The following PCDHA5 variants were observed in gnomAD, a reference collection of about 807,000 sequenced individuals.
PCDHA5 encodes the protein protocadherin alpha-5.
In PCDHA5, 43 loss-of-function variants were observed where a neutral mutation model predicts 61.6. The ratio of observed to expected loss-of-function variants is 0.70; its 90% CI spans 0.55 to 0.90. PCDHA5 has a LOEUF of 0.90. Among genes scored for constraint, PCDHA5 ranks in the 40% least tolerant of loss-of-function variants. The pLI is 0.00. For synonymous variants in PCDHA5, 627 were observed against 543.9 expected (o/e 1.15, Z -2.13); for missense variants, 1,298 against 1,222.7 (o/e 1.06, Z -0.92).
intron 1 of PCDHA5, among the ~76,000 whole-genome samples, chr5:140,946,108 T>C (rs782062288): frequency 2.0e-5 from 3 of 151,938 alleles, no homozygotes; most frequent in Non-Finnish European, 4.4e-5. Context: ...ATACCAAATA[T>C]ATAAGGAACT....
chr5:140,858,024 C>A lies in PCDHA5; in HGVS notation c.2352+33897C>A, dbSNP rs782656168. On this transcript the variant is annotated intron_variant, in intron 1 of 3. Transcript: ENST00000529859. ...AAGGACCATGGCGAGCCGTCGCTGACGGCCACGGCCACTGTGCTTGTGTCG... is the reference window on the plus strand; with the variant it reads ...AAGGACCATGGCGAGCCGTCGCTGAAGGCCACGGCCACTGTGCTTGTGTCG... 1 of 1,596,584 alleles carries A rather than the reference C, an allele frequency of 6.3e-7. No individual in the cohort carries two copies. Among genetic ancestry groups the A allele is most frequent in the East Asian group, 2.2e-5 (1 of 44,824 alleles).
chr5:140,843,635 T>C (rs1554140305), intron 1 of PCDHA5: 2 of 1,595,882 alleles, frequency 1.3e-6, no homozygotes, highest in Non-Finnish European at 1.7e-6. Flanking sequence ...CCTCATGGCC[T>C]TCAGCCCCTG....
intron 1 of PCDHA5, chr5:140,836,474 C>T (rs1774508920): frequency 6.2e-7 from 1 of 1,613,830 alleles, no homozygotes; most frequent in Admixed American, 1.7e-5. Flanking sequence ...TGGATGTCAA[C>T]GTGTACCTGA....
intron 1 of PCDHA5, chr5:140,857,591 A>C: frequency 6.3e-7 from 1 of 1,596,270 alleles, no homozygotes; most frequent in Non-Finnish European, 8.6e-7. Flanking sequence ...GGAGAGCGGC[A>C]AGGTGTACGC....
At chr5:140,962,564 G>A (rs1224952009) in intron 1 of PCDHA5, among the ~76,000 whole-genome samples, 2 of 152,124 alleles carry the variant, frequency 1.3e-5, no homozygotes, top group Non-Finnish European at 2.9e-5. Context: ...CCCCCTAAAA[G>A]CCAATTGTTA....
At chr5:140,982,296 C>A in intron 2 of PCDHA5, 179 bp from the exon 3 acceptor site, 1 of 1,167,132 alleles carries the variant, frequency 8.6e-7, no homozygotes, top group Non-Finnish European at 1.2e-6. Flanking sequence ...AGTAAGTCAG[C>A]AATGCTTCTG....
chr5:140,836,615 G>T (rs2150265724), intron 1 of PCDHA5: 33 of 1,613,516 alleles, frequency 2.0e-5, no homozygotes, highest in Non-Finnish European at 4.2e-6. Context: ...GCTCCAGCGC[G>T]GTGGGGAGCT....
At chr5:140,883,162 C>A (rs782797002) in intron 1 of PCDHA5, 8 of 1,613,690 alleles carry the variant, frequency 5.0e-6, no homozygotes, top group Non-Finnish European at 5.1e-6. Context: ...TAAATCCGAA[C>A]AATGGAGAAA....
At chr5:140,830,316 C>G (rs2150184866) in intron 1 of PCDHA5, 1 of 1,613,980 alleles carries the variant, frequency 6.2e-7, no homozygotes, top group East Asian at 2.2e-5. Context: ...CTGGTGTGCT[C>G]CAGCGCAGTG....
chr5:140,905,652 T>A (rs1554192111), intron 1 of PCDHA5, among the ~76,000 whole-genome samples: 1 of 152,240 alleles, frequency 6.6e-6, no homozygotes, highest in East Asian at 1.9e-4. Flanking sequence ...CAGTATTGAT[T>A]CCTGTCATCC....
intron 1 of PCDHA5, chr5:140,847,393 A>G (rs997317821): frequency 1.3e-5 from 2 of 149,740 alleles, no homozygotes; most frequent in African/African-American, 4.9e-5. Context: ...AAAAACATTA[A>G]TGGCACAATA....
intron 3 of PCDHA5, among the ~76,000 whole-genome samples, chr5:140,991,118 A>T (rs2153893669): frequency 6.6e-6 from 1 of 152,340 alleles, no homozygotes; most frequent in South Asian, 2.1e-4. Context: ...GCTTTCTTAC[A>T]TTCACACAGC....
chr5:140,945,709 G>C (rs1033770128), intron 1 of PCDHA5, among the ~76,000 whole-genome samples: 4 of 151,930 alleles, frequency 2.6e-5, no homozygotes, highest in Admixed American at 1.3e-4. Flanking sequence ...TGCAACAAAA[G>C]TATCAAGAAT....
chr5:140,869,327 T>A, intron 1 of PCDHA5: 1 of 1,613,922 alleles, frequency 6.2e-7, no homozygotes, highest in Middle Eastern at 1.7e-4. Context: ...GGGGACCTTC[T>A]GGAGGTAAAT....
intron 1 of PCDHA5, among the ~76,000 whole-genome samples, chr5:140,924,769 C>T (rs988519447): frequency 1.3e-5 from 2 of 151,766 alleles, no homozygotes; most frequent in Admixed American, 6.6e-5. Flanking sequence ...GTGGTGCGCG[C>T]TTGTAGTCCT....
Position 141,010,476 on chromosome 5 carries a change from G to T in PCDHA5, c.*539G>T. ...GAAGTTATCAGTATGGAGGGGAAGT[G>T]TAAACTTAAAGGGACCAGACTTTCT... is the stretch of plus-strand genomic sequence containing the variant. On this transcript the variant is annotated 3_prime_UTR_variant, in exon 4 of 4. Coordinates refer to ENST00000529859, the MANE Select transcript of PCDHA5 (RefSeq NM_018908.3). 1.3e-6 allele frequency: 1 copy of T among 752,476 alleles called. No individual in the cohort carries two copies. Among genetic ancestry groups the T allele is most frequent in the Non-Finnish European group, 2.0e-6 (1 of 499,640 alleles). The allele number at this position is 752,476 out of a possible 1,614,324, so 46.6% of individuals were successfully genotyped here. A position where few individuals can be genotyped will look rare whatever the true frequency, so the allele number is the denominator to read the frequency against.
chr5:140,872,560 A>G (rs944323027), intron 1 of PCDHA5, among the ~76,000 whole-genome samples: 1 of 152,156 alleles, frequency 6.6e-6, no homozygotes, highest in African/African-American at 2.4e-5. Context: ...CCAGGGGTTC[A>G]GGGCTGCAGT....
chr5:140,998,446 T>C (rs1266567801), intron 3 of PCDHA5, among the ~76,000 whole-genome samples: 1 of 152,248 alleles, frequency 6.6e-6, no homozygotes, highest in African/African-American at 2.4e-5. Flanking sequence ...TTATTGTATT[T>C]ATTCATTTAC....
At position 140,821,669 on chromosome 5, in the gene PCDHA5, C is replaced by A; in HGVS notation, c.-107C>A. Reference sequence around the variant, plus strand: ...TTCCATTTTTGGCTGTGCCAAGAAGCTCAGAAAGGCGATAATATAAAAAAT... The same window carrying A: ...TTCCATTTTTGGCTGTGCCAAGAAGATCAGAAAGGCGATAATATAAAAAAT... On this transcript the variant is annotated 5_prime_UTR_variant, in exon 1 of 4. Coordinates refer to ENST00000529859, the MANE Select transcript of PCDHA5 (RefSeq NM_018908.3). 1.6e-6 allele frequency: 2 copies of A among 1,272,360 alleles called. No homozygotes were observed. Among genetic ancestry groups the A allele is most frequent in the Non-Finnish European group, 1.1e-6 (1 of 922,782 alleles). 78.8% of individuals were successfully genotyped at this position (1,272,360 alleles called of 1,614,324 possible). A position where few individuals can be genotyped will look rare whatever the true frequency, so the allele number is the denominator to read the frequency against.
Sources: allele counts gnomAD v4.1 joint callset (sites outside exome capture counted in the v4.1 genomes callset), GRCh38; gene constraint gnomAD v4.1.1; transcripts MANE v1.5; gene names NCBI Gene and HGNC (gene_info 2026-07-23, HGNC 2026-07-21).